Variants in MAST2 observed in about 807,000 individuals in gnomAD.
MAST2 encodes the protein microtubule associated serine/threonine kinase 2.
A neutral mutation model predicts 147.4 loss-of-function variants in MAST2; 70 were observed. The ratio of observed to expected loss-of-function variants is 0.47; its 90% CI spans 0.39 to 0.58. The LOEUF is 0.58. Ranked by LOEUF, MAST2 falls within the 20% of genes least tolerant of loss-of-function variation. The pLI, the probability that MAST2 is intolerant of heterozygous loss-of-function variation, is 0.00. For missense variants in MAST2, 2,080 were observed against 2,302.3 expected, an observed-to-expected ratio of 0.90 and a Z score of 1.98; for synonymous variants, 869 against 896.8, an observed-to-expected ratio of 0.97 and a Z score of 0.55.
At chr1:45,897,410 A>G (rs1648913278) in intron 4 of MAST2, among the ~76,000 whole-genome samples, 1 of 152,226 alleles carries the variant, frequency 6.6e-6, no homozygotes, top group South Asian at 2.1e-4. Context: ...TTTCTTAGAA[A>G]TCATCTCTGA....
At chr1:45,909,137 T>C (rs1651256328) in intron 4 of MAST2, among the ~76,000 whole-genome samples, 1 of 152,198 alleles carries the variant, frequency 6.6e-6, no homozygotes, top group Admixed American at 6.5e-5. Context: ...TTCTACTTTC[T>C]TGTTTTCTTC....
intron 4 of MAST2, among the ~76,000 whole-genome samples, chr1:45,949,727 C>T (rs1658649495): frequency 6.6e-6 from 1 of 152,088 alleles, no homozygotes; most frequent in Non-Finnish European, 1.5e-5. Context: ...GGTATATACC[C>T]AGAGGAATAT....
intron 3 of MAST2, among the ~76,000 whole-genome samples, chr1:45,875,080 C>T (rs922976677): frequency 6.6e-6 from 1 of 152,164 alleles, no homozygotes; most frequent in African/African-American, 2.4e-5. Context: ...CCAAGTAGTG[C>T]CCTGTAGACT....
chr1:45,921,741 G>A (rs904508061), intron 4 of MAST2, among the ~76,000 whole-genome samples: 4 of 152,148 alleles, frequency 2.6e-5, no homozygotes, highest in Admixed American at 6.5e-5. Context: ...GCTCAGGCTC[G>A]GGGAGCTCTC....
intron 1 of MAST2, among the ~76,000 whole-genome samples, chr1:45,808,038 A>G (rs565062303): frequency 2.2e-4 from 33 of 152,246 alleles, no homozygotes; most frequent in Non-Finnish European, 4.3e-4. Flanking sequence ...TTCTCATGAC[A>G]TGGAACAGTG....
At chr1:45,883,112 A>G (rs919285268) in intron 4 of MAST2, among the ~76,000 whole-genome samples, 2 of 152,178 alleles carry the variant, frequency 1.3e-5, no homozygotes, top group African/African-American at 4.8e-5. Context: ...CATATTTACC[A>G]TGATTTACTA....
chr1:45,822,799 T>G (rs1180895277), intron 1 of MAST2, among the ~76,000 whole-genome samples: 1 of 152,240 alleles, frequency 6.6e-6, no homozygotes, highest in Non-Finnish European at 1.5e-5. Flanking sequence ...GTCCAAAGTC[T>G]GCTTCCTTCC....
intron 4 of MAST2, chr1:45,917,307 C>T (rs1652696835): frequency 5.3e-6 from 7 of 1,329,110 alleles, no homozygotes; most frequent in African/African-American, 4.5e-5. Context: ...TATCACTGAC[C>T]TTGTTTTTTT....
intron 3 of MAST2, among the ~76,000 whole-genome samples, chr1:45,833,305 G>C (rs1645012455): frequency 6.6e-6 from 1 of 152,100 alleles, no homozygotes; most frequent in South Asian, 2.1e-4. Flanking sequence ...ACCAGGGCAT[G>C]TTCTAAAAAG....
rs529599593 is a variant in MAST2, at chr1:45,876,601, C to T, written c.469-5763C>T. 4.6e-5 allele frequency among the ~76,000 whole-genome samples: 7 copies of T among 152,274 alleles called. No individual in the cohort carries two copies. The East Asian group carries it at 1.3e-3, about 29-fold the overall frequency. On this transcript the variant is annotated intron_variant, in intron 3 of 28. Coordinates refer to ENST00000361297, the MANE Select transcript of MAST2 (RefSeq NM_015112.3). ...TAAATGGGAGTACTCTTGCCTCAGC[C>T]AAGTTTCCTGATTGTGTAGCTTTTC...
chr1:45,841,662 A>G (rs1347423010), intron 3 of MAST2, among the ~76,000 whole-genome samples: 1 of 152,116 alleles, frequency 6.6e-6, no homozygotes, highest in Non-Finnish European at 1.5e-5. Flanking sequence ...ACTGGTGGTA[A>G]AAGAATTTAC....
intron 3 of MAST2, among the ~76,000 whole-genome samples, chr1:45,862,648 T>C (rs1646020019): frequency 6.6e-6 from 1 of 152,166 alleles, no homozygotes; most frequent in African/African-American, 2.4e-5. Context: ...TTTTGTATTT[T>C]TAGTAGAAAC....
chr1:46,011,305 T>C (rs961940646), intron 10 of MAST2, among the ~76,000 whole-genome samples: 1 of 152,148 alleles, frequency 6.6e-6, no homozygotes, highest in Non-Finnish European at 1.5e-5. Flanking sequence ...GAAATACTGG[T>C]TTAAGCAGAG....
intron 4 of MAST2, among the ~76,000 whole-genome samples, chr1:45,931,844 A>G (rs775850101): frequency 2.0e-5 from 3 of 151,976 alleles, no homozygotes; most frequent in Non-Finnish European, 4.4e-5. Context: ...ATACACTACC[A>G]TGCCTGGCTA....
chr1:45,962,035 C>T (rs1479321448), intron 5 of MAST2, among the ~76,000 whole-genome samples: 1 of 151,704 alleles, frequency 6.6e-6, no homozygotes, highest in Non-Finnish European at 1.5e-5. Flanking sequence ...GTTTTTTGTC[C>T]TTGCGATAGT....
At chr1:45,989,129 TTGTC>T (rs977388509) in intron 5 of MAST2, among the ~76,000 whole-genome samples, 12 of 152,334 alleles carry the variant, frequency 7.9e-5, no homozygotes, top group African/African-American at 1.2e-4. Context: ...TTATATGTAA[TTGTC>T]TGTATTTATA....
rs74227064 is a variant in MAST2 at position 45,932,050 on chromosome 1, A to G, written c.501-27336A>G. 5.5e-4 allele frequency among the ~76,000 whole-genome samples: 84 copies of G among 152,274 alleles called. No individual in the cohort carries two copies. In the East Asian group the frequency reaches 0.013, roughly 24 times the overall value. On this transcript the variant is annotated intron_variant, in intron 4 of 28. Coordinates refer to ENST00000361297, the MANE Select transcript of MAST2 (RefSeq NM_015112.3). Reference sequence around the variant, plus strand: ...ATACAGGCTTTCGTTTTGTCCCATTACTATGAAGTTAACCTTGATCACTTT... The same window carrying G: ...ATACAGGCTTTCGTTTTGTCCCATTGCTATGAAGTTAACCTTGATCACTTT...
At chr1:46,016,861 C>T (rs1387390211) in intron 10 of MAST2, among the ~76,000 whole-genome samples, 7 of 152,184 alleles carry the variant, frequency 4.6e-5, no homozygotes, top group East Asian at 1.9e-4. Flanking sequence ...GAGCCCGCAT[C>T]GCCAAGTCAA....
intron 5 of MAST2, among the ~76,000 whole-genome samples, chr1:45,994,479 AT>A (rs1449017076): frequency 1.3e-5 from 2 of 151,374 alleles, no homozygotes. Flanking sequence ...TAGAGACGGG[AT>A]TTTGCCACGT....
Sources: gnomAD v4.1 joint callset for allele counts (sites outside exome capture counted in the v4.1 genomes callset) on GRCh38, gnomAD v4.1.1 for gene constraint, MANE v1.5 for transcripts, NCBI Gene and HGNC (gene_info 2026-07-23, HGNC 2026-07-21) for gene names.